Variants in SCN9A observed in about 807,000 individuals in gnomAD.
SCN9A encodes sodium voltage-gated channel alpha subunit 9.
Under a neutral mutation model 187.0 loss-of-function variants are expected in SCN9A, and 131 were observed. The observed-to-expected ratio is 0.70, with a 90% CI of 0.61 to 0.81. The LOEUF (loss-of-function observed/expected upper bound fraction) is 0.81. SCN9A is among the 30% of genes least tolerant of loss of function. SCN9A has a pLI of 0.00. For synonymous variants in SCN9A, 809 were observed against 808.6 expected (o/e 1.00, Z -0.01); for missense variants, 2,252 against 2,396.6 (o/e 0.94, Z 1.26).
intron 17 of SCN9A, among the ~76,000 whole-genome samples, chr2:166,264,695 T>C (rs945048956): frequency 1.3e-5 from 2 of 151,940 alleles, no homozygotes; most frequent in African/African-American, 4.8e-5. Flanking sequence ...CACTGAAAAT[T>C]CTCCATAAAC....
intron 24 of SCN9A, among the ~76,000 whole-genome samples, chr2:166,220,183 A>G (rs970328959): frequency 1.3e-5 from 2 of 152,180 alleles, no homozygotes; most frequent in Admixed American, 6.5e-5. Context: ...GATCATCAGA[A>G]GAGATTCAGA....
intron 7 of SCN9A, chr2:166,294,872 A>G: frequency 2.5e-6 from 1 of 403,198 alleles, no homozygotes; most frequent in Admixed American, 4.3e-5. Context: ...ACATGACAAT[A>G]AACACGATAA....
chr2:166,285,740 C>A (rs1047386280), intron 11 of SCN9A, among the ~76,000 whole-genome samples: 1 of 152,050 alleles, frequency 6.6e-6, no homozygotes, highest in African/African-American at 2.4e-5. Context: ...AGCAATGGTT[C>A]ATCTTGGGGA....
chr2:166,244,131 G>A (rs925206816), intron 18 of SCN9A, among the ~76,000 whole-genome samples: 3 of 152,060 alleles, frequency 2.0e-5, no homozygotes, highest in Admixed American at 6.6e-5. Context: ...TGAGATGCCT[G>A]TGAATTGTTT....
At chr2:166,218,386 G>A (rs1335147540) in intron 24 of SCN9A, among the ~76,000 whole-genome samples, 1 of 151,716 alleles carries the variant, frequency 6.6e-6, no homozygotes, top group Non-Finnish European at 1.5e-5. Context: ...TTGTGCACAT[G>A]TACCCTAGAA....
In SCN9A at chr2:166,280,546, T is replaced by C. The variant is rs368526612; in HGVS notation, c.2154A>G (p.Ala718=). Residue 718 remains alanine, a synonymous_variant, in exon 14 of 27, where the codon GCA becomes GCG. Coordinates refer to ENST00000642356, the MANE Select transcript of SCN9A (RefSeq NM_001365536.1). ...AGCAATTCCAGATCAAGAATTTGTG[T>C]GCAAATCTGTACCACCAAGGTGGAC... is the stretch of plus-strand genomic sequence containing the variant. ...QKCPPWWYRF[A]HKFLIWNCSP... 2 of 1,591,516 alleles carry C rather than the reference T, an allele frequency of 1.3e-6. No individual in the cohort carries two copies. Among genetic ancestry groups the C allele is most frequent in the African/African-American group, 1.3e-5 (1 of 74,642 alleles).
chr2:166,270,478 T>C (rs1347425044), intron 17 of SCN9A, among the ~76,000 whole-genome samples: 1 of 151,918 alleles, frequency 6.6e-6, no homozygotes, highest in African/African-American at 2.4e-5. Context: ...GATTCCTTAC[T>C]TTACCGTCTT....
At chr2:166,367,997 C>G (rs1300678988) in intron 1 of SCN9A, among the ~76,000 whole-genome samples, 1 of 152,214 alleles carries the variant, frequency 6.6e-6, no homozygotes, top group South Asian at 2.1e-4. Context: ...AAGGGTTAAA[C>G]ATATTTGATA....
intron 21 of SCN9A, among the ~76,000 whole-genome samples, chr2:166,231,482 C>T (rs1695080603): frequency 6.6e-6 from 1 of 151,424 alleles, no homozygotes; most frequent in Admixed American, 6.6e-5. Context: ...TGGTTAAAAC[C>T]CAAGTTTCTT....
rs4280470 is a variant in SCN9A, at chr2:166,274,538, T to C, written c.2875-1663A>G. Among the ~76,000 whole-genome samples, 539 of 152,252 alleles carry C rather than the reference T, an allele frequency of 3.5e-3. 4 individuals carry two copies. The highest frequency in any genetic ancestry group is 0.027 in the Middle Eastern group (8 of 294). On this transcript the variant is annotated intron_variant, in intron 16 of 26. Coordinates refer to ENST00000642356, the MANE Select transcript of SCN9A (RefSeq NM_001365536.1). ...AAAAAAGAGAAGCCAGTTTAGCATA[T>C]AACTCTAATGTGGAAGGCTATATCA...
intron 7 of SCN9A, among the ~76,000 whole-genome samples, chr2:166,299,759 A>G (rs185795469): frequency 5.3e-5 from 8 of 150,938 alleles, no homozygotes; most frequent in Admixed American, 5.3e-4. Flanking sequence ...TCTGATTTCT[A>G]TACTTAAATC....
intron 7 of SCN9A, among the ~76,000 whole-genome samples, chr2:166,297,221 A>AAAAAAAAAAAAAAAAAAAAAAAAC (rs1698352697): frequency 7.2e-6 from 1 of 138,670 alleles, no homozygotes; most frequent in Non-Finnish European, 1.6e-5. Flanking sequence ...AAAAAAAAAA[A>AAAAAAAAAAAAAAAAAAAAAAAAC]AAAAAAGAAC....
rs1574844017 is a variant in SCN9A, at chr2:166,272,670, G to C, written c.3080C>G (p.Ala1027Gly). 1 of 1,611,636 alleles carries C rather than the reference G, an allele frequency of 6.2e-7. No individual in the cohort carries two copies. Among genetic ancestry groups the C allele is most frequent in the Non-Finnish European group, 8.5e-7 (1 of 1,178,896 alleles). Residue 1027 changes from alanine (A) to glycine (G), a missense_variant, in exon 17 of 27, where the codon GCA becomes GGA. Ala to Gly is a moderately conservative substitution (Grantham distance 60). Coordinates refer to ENST00000642356, the MANE Select transcript of SCN9A (RefSeq NM_001365536.1). ...KPKISREIRQ[A>G]EDLNTKKENY... ...TTCCTTCTTAGTATTCAGATCTTCT[G>C]CTTGTCTTATCTCCCTGGAAATCTT...
At chr2:166,212,030 C>T (rs1352639186) in intron 24 of SCN9A, among the ~76,000 whole-genome samples, 2 of 152,118 alleles carry the variant, frequency 1.3e-5, no homozygotes, top group African/African-American at 2.4e-5. Flanking sequence ...TCCAGATACT[C>T]GTTTCAGATT....
chr2:166,271,217 A>T (rs1301887384), intron 17 of SCN9A, among the ~76,000 whole-genome samples: 2 of 152,126 alleles, frequency 1.3e-5, no homozygotes, highest in East Asian at 3.9e-4. Context: ...ATGAGAAGGG[A>T]CTACATCCAT....
intron 1 of SCN9A, among the ~76,000 whole-genome samples, chr2:166,351,756 A>G (rs980148610): frequency 5.3e-5 from 8 of 152,180 alleles, no homozygotes; most frequent in Non-Finnish European, 1.2e-4. Flanking sequence ...AACTTTAATT[A>G]CTATAGAACA....
chr2:166,263,855 A>T (rs1031550959), intron 17 of SCN9A, among the ~76,000 whole-genome samples: 17 of 152,112 alleles, frequency 1.1e-4, no homozygotes, highest in Non-Finnish European at 1.0e-4. Context: ...AGCTGCAAGG[A>T]TTGCCAACAA....
rs760988853 is a variant in SCN9A at position 166,272,578 on chromosome 2, T to G, written c.3172A>C (p.Lys1058Gln). Residue 1058 changes from lysine (K) to glutamine (Q), a missense_variant, in exon 17 of 27, where the codon AAA becomes CAA. Around this residue, in one of 7 missense-constraint regions of SCN9A, gnomAD observed 313 missense variants for 295.3 expected, o/e 1.06. Coordinates refer to ENST00000642356, the MANE Select transcript of SCN9A (RefSeq NM_001365536.1). Reference protein sequence around the residue: ...KGHNFLKEKDKISGFGSSVDK... With the variant: ...KGHNFLKEKDQISGFGSSVDK... ...ACGCTGCTTCCAAAACCACTGATTTTATCTTTTTCCTTGAGGAAATTGTGA... is the reference window on the plus strand; with the variant it reads ...ACGCTGCTTCCAAAACCACTGATTTGATCTTTTTCCTTGAGGAAATTGTGA... 1 of 1,613,560 alleles carries G rather than the reference T, an allele frequency of 6.2e-7. No homozygotes were observed. The highest frequency in any genetic ancestry group is 1.7e-5 in the Admixed American group (1 of 59,938).
At chr2:166,287,943 T>G (rs1697847782) in intron 10 of SCN9A, among the ~76,000 whole-genome samples, 1 of 147,964 alleles carries the variant, frequency 6.8e-6, no homozygotes, top group Non-Finnish European at 1.5e-5. Context: ...ATTGTGTGTA[T>G]GTGTGTATAT....
Sources: allele counts gnomAD v4.1 joint callset (sites outside exome capture counted in the v4.1 genomes callset), GRCh38; gene constraint gnomAD v4.1.1; regional missense constraint gnomAD v4.1.1; transcripts MANE v1.5; gene names NCBI Gene and HGNC (gene_info 2026-07-23, HGNC 2026-07-21).